The following ITGA8 variants were observed in gnomAD, a reference collection of about 807,000 sequenced individuals.
ITGA8 encodes the protein integrin alpha-8.
A neutral mutation model predicts 142.3 loss-of-function variants in ITGA8; 91 were observed. The ratio of observed to expected loss-of-function variants is 0.64; its 90% CI spans 0.54 to 0.76. The LOEUF is 0.76. ITGA8 is among the 30% of genes least tolerant of loss of function. The probability of loss-of-function intolerance (pLI) is 0.00; values close to 1 mark genes in which losing one functional copy is unlikely to be tolerated. For synonymous variants in ITGA8, 505 were observed against 485.2 expected, an observed-to-expected ratio of 1.04 and a Z score of -0.54; for missense variants, 1,406 against 1,327.7, an observed-to-expected ratio of 1.06 and a Z score of -0.92.
chr10:15,667,777 C>T (rs911073652), intron 8 of ITGA8, among the ~76,000 whole-genome samples: 1 of 151,772 alleles, frequency 6.6e-6, no homozygotes, highest in Admixed American at 6.6e-5. Context: ...TCGTTGTGTA[C>T]CCAGTAGTCA....
rs137895626 is a variant in ITGA8, at chr10:15,656,052, T to A, written c.949-646A>T. Among the ~76,000 whole-genome samples the A allele has an allele frequency of 8.7e-4, 132 of 152,256 alleles. No individual in the cohort carries two copies. In the Middle Eastern group the frequency reaches 0.01, roughly 12 times the overall value. On this transcript the variant is annotated intron_variant, in intron 10 of 29. Coordinates refer to ENST00000378076, the MANE Select transcript of ITGA8 (RefSeq NM_003638.3). ...GTGATCTGAGACTACACAACTGCACTCCAGCCTGGGTGACAGAGAGAGACC... is the reference window on the plus strand; with the variant it reads ...GTGATCTGAGACTACACAACTGCACACCAGCCTGGGTGACAGAGAGAGACC...
chr10:15,605,880 G>T, intron 18 of ITGA8, 89 bp from the exon 19 acceptor site: 2 of 1,173,670 alleles, frequency 1.7e-6, no homozygotes, highest in Non-Finnish European at 2.5e-6. Flanking sequence ...GCCACAAACG[G>T]AACCAGAGCT....
chr10:15,710,536 AC>A (rs1230686304), intron 2 of ITGA8, among the ~76,000 whole-genome samples: 1 of 152,240 alleles, frequency 6.6e-6, no homozygotes, highest in Non-Finnish European at 1.5e-5. Flanking sequence ...ATTCTGGAAG[AC>A]AAGATGTCCT....
chr10:15,719,038 C>G, intron 1 of ITGA8, 139 bp from the exon 2 acceptor site: 1 of 1,305,424 alleles, frequency 7.7e-7, no homozygotes, highest in Non-Finnish European at 1.0e-6. Flanking sequence ...GACCGACTGT[C>G]AAACTTGATT....
At chr10:15,517,683 A>C (rs1483689467) in intron 29 of ITGA8, among the ~76,000 whole-genome samples, 1 of 152,208 alleles carries the variant, frequency 6.6e-6, no homozygotes, top group Non-Finnish European at 1.5e-5. Flanking sequence ...GTTTCTCCAA[A>C]TTAGGAGGTT....
chr10:15,714,347 A>C (rs1835413820), intron 2 of ITGA8, among the ~76,000 whole-genome samples: 1 of 152,222 alleles, frequency 6.6e-6, no homozygotes, highest in African/African-American at 2.4e-5. Context: ...GGCATGAATT[A>C]GGCAGATGTG....
chr10:15,549,999 A>G (rs1433786122), intron 26 of ITGA8, among the ~76,000 whole-genome samples: 1 of 152,124 alleles, frequency 6.6e-6, no homozygotes, highest in East Asian at 1.9e-4. Context: ...CCCAAATCTC[A>G]TCTTGAATTG....
chr10:15,636,400 T>C (rs1416695966), intron 13 of ITGA8, among the ~76,000 whole-genome samples: 1 of 152,156 alleles, frequency 6.6e-6, no homozygotes, highest in Admixed American at 6.6e-5. Flanking sequence ...ATGCTAGAAA[T>C]GAAAGTACTT....
At position 15,572,274 on chromosome 10, in the gene ITGA8, A is replaced by G. The variant is rs2131581228; in HGVS notation, c.2574T>C (p.His858=). The G allele has an allele frequency of 6.2e-7, 1 of 1,614,054 alleles. No homozygotes were observed. Among genetic ancestry groups the G allele is most frequent in the African/African-American group, 1.3e-5 (1 of 75,034 alleles). Residue 858 remains histidine, a synonymous_variant, in exon 25 of 30, where the codon CAT becomes CAC. Transcript: ENST00000378076. ...ARDEFLLYIF[H]IQTLGPLQCQ... The stretch of plus-strand genomic sequence containing the variant: ...ACTGCAGAGGTCCCAGAGTTTGAAT[A>G]TGGAAAATATAGAGAAGAAATTCAT...
At chr10:15,617,125 A>G (rs567760103) in intron 13 of ITGA8, among the ~76,000 whole-genome samples, 1 of 152,372 alleles carries the variant, frequency 6.6e-6, no homozygotes, top group Admixed American at 6.5e-5. Context: ...CAATCCTAAT[A>G]AATAGCACAT....
intron 27 of ITGA8, among the ~76,000 whole-genome samples, chr10:15,540,752 A>G (rs1387882046): frequency 2.0e-5 from 3 of 152,198 alleles, no homozygotes; most frequent in Non-Finnish European, 2.9e-5. Context: ...TGGGACTGAC[A>G]GGACTTGTTT....
chr10:15,539,308 T>C lies in ITGA8; in HGVS notation c.2881-8157A>G, dbSNP rs145863424. 5.1e-4 allele frequency among the ~76,000 whole-genome samples: 77 copies of C among 152,212 alleles called. No individual in the cohort carries two copies. The East Asian group carries it at 0.013, about 25-fold the overall frequency. ...AAAGGTATCAAAACACCTCATCCCT[T>C]TGAATCTGTCTCCTGGTTGTGTCCA... On this transcript the variant is annotated intron_variant, in intron 27 of 29. Coordinates refer to ENST00000378076, the MANE Select transcript of ITGA8 (RefSeq NM_003638.3).
At chr10:15,612,775 T>C (rs1564374385) in intron 15 of ITGA8, among the ~76,000 whole-genome samples, 1 of 152,392 alleles carries the variant, frequency 6.6e-6, no homozygotes, top group East Asian at 1.9e-4. Context: ...AATGTGTTCC[T>C]TCTGTCTAGC....
chr10:15,689,280 A>T lies in ITGA8; in HGVS notation c.344-1242T>A, dbSNP rs1025264210. On this transcript the variant is annotated intron_variant, in intron 2 of 29. Coordinates refer to ENST00000378076, the MANE Select transcript of ITGA8 (RefSeq NM_003638.3). ...CCTTACAAAAAAGGACCAAAACAAT[A>T]ACAGACAACTACATTGCAACCAGAC... Among the ~76,000 whole-genome samples the T allele has an allele frequency of 2.6e-5, 4 of 152,208 alleles. No homozygotes were observed. In the East Asian group the frequency reaches 7.7e-4, roughly 29 times the overall value.
Position 15,528,206 on chromosome 10 carries a change from G to T in ITGA8, c.2982+2844C>A, listed in dbSNP as rs1241091648. Among the ~76,000 whole-genome samples, 3 of 152,134 alleles carry T rather than the reference G, an allele frequency of 2.0e-5. No individual in the cohort carries two copies. The East Asian group carries it at 5.8e-4, about 29-fold the overall frequency. ...CTGCCTTGGCCTCCCAAAGTGCTGG[G>T]ATTACAGGTGTGAGCCGCCCTCTTG... On this transcript the variant is annotated intron_variant, in intron 28 of 29. Transcript: ENST00000378076.
At chr10:15,525,021 T>A (rs1387230435) in intron 28 of ITGA8, among the ~76,000 whole-genome samples, 9 of 152,138 alleles carry the variant, frequency 5.9e-5, no homozygotes, top group Non-Finnish European at 1.3e-4. Flanking sequence ...TATTTATGTA[T>A]TTTTGGAGAC....
intron 2 of ITGA8, among the ~76,000 whole-genome samples, chr10:15,712,210 ATGCT>A (rs1018039443): frequency 6.6e-6 from 1 of 152,220 alleles, no homozygotes; most frequent in Non-Finnish European, 1.5e-5. Flanking sequence ...TGCTTTCAAC[ATGCT>A]TGCTGATTAA....
chr10:15,649,985 A>G (rs1474529552), intron 11 of ITGA8, among the ~76,000 whole-genome samples: 2 of 152,240 alleles, frequency 1.3e-5, no homozygotes, highest in Non-Finnish European at 2.9e-5. Flanking sequence ...ATACAAAAAT[A>G]TGCACAAAAA....
chr10:15,541,587 C>G (rs973333092), intron 27 of ITGA8, among the ~76,000 whole-genome samples: 4 of 152,152 alleles, frequency 2.6e-5, no homozygotes, highest in Admixed American at 6.5e-5. Flanking sequence ...GTGTACCAGC[C>G]AAGCCTAACA....
Sources: allele counts gnomAD v4.1 joint callset (sites outside exome capture counted in the v4.1 genomes callset), GRCh38; gene constraint gnomAD v4.1.1; transcripts MANE v1.5; gene names NCBI Gene and HGNC (gene_info 2026-07-23, HGNC 2026-07-21).